The following DHX29 variants were observed in gnomAD, a reference collection of about 807,000 sequenced individuals.
The protein encoded by DHX29 is ATP-dependent RNA helicase DHX29.
DHX29 carries 79 observed loss-of-function variants against 167.9 expected under a neutral mutation model. The observed-to-expected ratio is 0.47, with a 90% CI of 0.39 to 0.57. The LOEUF (loss-of-function observed/expected upper bound fraction) is 0.57. DHX29 is among the 20% of genes least tolerant of loss of function. The pLI is 0.00. For synonymous variants in DHX29, 530 were observed against 546.0 expected, an observed-to-expected ratio of 0.97 and a Z score of 0.41; for missense variants, 1,347 against 1,593.4, an observed-to-expected ratio of 0.85 and a Z score of 2.63.
At chr5:55,281,133 C>T (rs757499428) in intron 12 of DHX29, among the ~76,000 whole-genome samples, 29 of 151,202 alleles carry the variant, frequency 1.9e-4, no homozygotes, top group East Asian at 1.2e-3. Context: ...CACACACACA[C>T]GCTATATATA....
intron 8 of DHX29, 61 bp from the exon 9 acceptor site, chr5:55,285,922 C>A: frequency 7.5e-7 from 1 of 1,329,078 alleles, no homozygotes; most frequent in South Asian, 1.6e-5. Context: ...TTTCAGTGAT[C>A]AAAGTCCTCT....
chr5:55,290,223 T>C lies in DHX29; in HGVS notation c.902A>G (p.Gln301Arg). ...AAGTATTTGAAAGTGTTTACCTCTT[T>C]GAAATTTCCTTATTTTTTCCTGAGC... The part of the protein sequence containing the change: ...KEAQEKIRKF[Q>R]REMETLEDHP... The change falls in exon 7 of 27, where the codon CAA becomes CGA. Residue 301 changes from glutamine (Q) to arginine (R), a missense_variant. This residue lies in a region of DHX29 where 405 missense variants were observed against 416.8 expected (regional missense o/e 0.97). Coordinates refer to ENST00000251636, the MANE Select transcript of DHX29 (RefSeq NM_019030.4). 1 of 1,607,266 alleles carries C rather than the reference T, an allele frequency of 6.2e-7. No homozygotes were observed. Among genetic ancestry groups the C allele is most frequent in the Non-Finnish European group, 8.5e-7 (1 of 1,178,776 alleles).
chr5:55,307,445 G>C lies in DHX29; in HGVS notation c.129C>G (p.Ser43=), dbSNP rs773051233. The change falls in exon 1 of 27, where the codon TCC becomes TCG. Residue 43 remains serine (S), a synonymous_variant. Coordinates refer to ENST00000251636, the MANE Select transcript of DHX29 (RefSeq NM_019030.4). ...AGEAQSKKPV[S]RPATAAAAAA... ...CGGCAGCGGCAGCGGTGGCCGGCCT[G>C]GACACTGGCTTCTTGCTTTGGGCCT... is the stretch of plus-strand genomic sequence containing the variant. 2.5e-6 allele frequency: 4 copies of C among 1,613,288 alleles called. No individual in the cohort carries two copies. The highest frequency in any genetic ancestry group is 1.1e-5 in the South Asian group (1 of 91,084).
chr5:55,297,162 T>C (rs533246257), intron 3 of DHX29, 123 bp downstream of exon 3: 3 of 605,508 alleles, frequency 5.0e-6, no homozygotes, highest in Non-Finnish European at 5.8e-6. Flanking sequence ...TCTCTATTCT[T>C]AGAGATGGAA....
chr5:55,259,058 C>CA (rs1746183923), intron 26 of DHX29, among the ~76,000 whole-genome samples: 1 of 152,092 alleles, frequency 6.6e-6, no homozygotes, highest in Non-Finnish European at 1.5e-5. Flanking sequence ...GTTGTCTAGG[C>CA]TGGACTTTAA....
intron 10 of DHX29, among the ~76,000 whole-genome samples, 187 bp downstream of exon 10, chr5:55,285,106 T>A (rs1236166468): frequency 6.6e-6 from 1 of 152,252 alleles, no homozygotes; most frequent in Admixed American, 6.5e-5. Context: ...CGGATCATCA[T>A]ACTCTCTCTT....
chr5:55,273,035 A>G (rs1020018931), intron 17 of DHX29, among the ~76,000 whole-genome samples: 1 of 152,202 alleles, frequency 6.6e-6, no homozygotes, highest in African/African-American at 2.4e-5. Context: ...TCAACAGGCA[A>G]CATCCATACT....
At chr5:55,263,780 C>A (rs1746423789) in intron 23 of DHX29, among the ~76,000 whole-genome samples, 1 of 128 alleles carries the variant, frequency 7.8e-3, no homozygotes, top group Admixed American at 0.071. Flanking sequence ...TGTTCCCAGT[C>A]AGTTGGCCAG....
Position 55,289,283 on chromosome 5 carries a change from A to C in DHX29, c.1053T>G (p.Thr351=). ...CCTTAATTTTACCTTTCTCTTCTTCAGTAGCAGCTGCAGATTTTTCAAATA... is the reference window on the plus strand; with the variant it reads ...CCTTAATTTTACCTTTCTCTTCTTCCGTAGCAGCTGCAGATTTTTCAAATA... ...FNLFEKSAAA[T]EEEKDKKKEP... The change falls in exon 8 of 27, where the codon ACT becomes ACG. Residue 351 remains threonine, a synonymous_variant. Transcript: ENST00000251636. The C allele has an allele frequency of 1.3e-6, 2 of 1,570,480 alleles. No homozygotes were observed. Among genetic ancestry groups the C allele is most frequent in the East Asian group, 2.3e-5 (1 of 43,538 alleles).
chr5:55,301,973 C>T (rs1432857817), intron 1 of DHX29, among the ~76,000 whole-genome samples: 1 of 152,098 alleles, frequency 6.6e-6, no homozygotes, highest in Non-Finnish European at 1.5e-5. Context: ...TTAACTTGTA[C>T]ATCTGGGCAG....
intron 8 of DHX29, among the ~76,000 whole-genome samples, chr5:55,288,215 C>T (rs1747846114): frequency 1.3e-5 from 2 of 151,842 alleles, no homozygotes; most frequent in Non-Finnish European, 2.9e-5. Context: ...TGCACTCCAG[C>T]CTGGGCAACA....
At chr5:55,285,200 T>A (rs1187815432) in intron 10 of DHX29, 93 bp downstream of exon 10, 10 of 1,519,206 alleles carry the variant, frequency 6.6e-6, no homozygotes, top group Non-Finnish European at 8.0e-6. Flanking sequence ...TGAGAAAGGA[T>A]TAATCAGAAG....
intron 23 of DHX29, 119 bp from the exon 24 acceptor site, chr5:55,263,051 G>GAAGAA: frequency 1.3e-6 from 1 of 749,742 alleles, no homozygotes; most frequent in South Asian, 2.0e-5. Context: ...TGATTATTTG[G>GAAGAA]CTAACGATAG....
Position 55,307,616 on chromosome 5 carries a change from C to A in DHX29, c.-43G>T, listed in dbSNP as rs1349232547. 1.9e-6 allele frequency: 3 copies of A among 1,606,574 alleles called. No homozygotes were observed. Among genetic ancestry groups the A allele is most frequent in the Non-Finnish European group, 2.5e-6 (3 of 1,177,406 alleles). ...AGATCCTTCGCGGCCCAGGCCCCGA[C>A]GGTACCACTGCACAGCCGAGAGCTC... On this transcript the variant is annotated 5_prime_UTR_variant, in exon 1 of 27. Transcript: ENST00000251636.
chr5:55,281,626 T>G (rs1747418412), intron 11 of DHX29, 111 bp from the exon 12 acceptor site: 1 of 639,804 alleles, frequency 1.6e-6, no homozygotes, highest in Non-Finnish European at 2.5e-6. Flanking sequence ...GCATTGTAAG[T>G]AATCTAGTAC....
chr5:55,306,120 T>C (rs1748845754), intron 1 of DHX29, among the ~76,000 whole-genome samples: 1 of 152,240 alleles, frequency 6.6e-6, no homozygotes, highest in Non-Finnish European at 1.5e-5. Flanking sequence ...TCTATGTATT[T>C]GTAATTACAA....
At chr5:55,278,841 A>G (rs183809139) in intron 12 of DHX29, among the ~76,000 whole-genome samples, 6 of 152,354 alleles carry the variant, frequency 3.9e-5, no homozygotes, top group Middle Eastern at 3.4e-3. Flanking sequence ...GGAGAAACAA[A>G]AACAATGACT....
At position 55,285,294 on chromosome 5, in the gene DHX29, T is replaced by G; in HGVS notation, c.1355A>C (p.Gln452Pro). 1 of 1,613,800 alleles carries G rather than the reference T, an allele frequency of 6.2e-7. No individual in the cohort carries two copies. The highest frequency in any genetic ancestry group is 8.5e-7 in the Non-Finnish European group (1 of 1,179,900). The stretch of plus-strand genomic sequence containing the variant: ...ATAGTTAGGCCTAAAAAGTCTTACC[T>G]GCCCTTTAACTAAACGGTAAAGGGC... ...TLALYRLVKG[Q>P]SVHQLLPPTY... is the part of the protein sequence containing the mutation. Residue 452 changes from glutamine to proline, a missense_variant and splice_region_variant, in exon 10 of 27, where the codon CAG (glutamine) becomes CCG (proline). This residue lies in a region of DHX29 where 882 missense variants were observed against 1,082.4 expected (regional missense o/e 0.81). Coordinates refer to ENST00000251636, the MANE Select transcript of DHX29 (RefSeq NM_019030.4).
At chr5:55,258,685 A>C (rs1264376445) in intron 26 of DHX29, among the ~76,000 whole-genome samples, 1 of 152,080 alleles carries the variant, frequency 6.6e-6, no homozygotes, top group Non-Finnish European at 1.5e-5. Context: ...CAAGTAGCTG[A>C]GACAACAGGT....
Sources: gnomAD v4.1 joint callset for allele counts (sites outside exome capture counted in the v4.1 genomes callset) on GRCh38, gnomAD v4.1.1 for gene constraint, gnomAD v4.1.1 regional missense constraint, MANE v1.5 for transcripts, NCBI Gene and HGNC (gene_info 2026-07-23, HGNC 2026-07-21) for gene names.